Variants in TMEM178B observed in about 807,000 individuals in gnomAD.
TMEM178B encodes the protein transmembrane protein 178B.
TMEM178B carries 5 observed loss-of-function variants against 31.0 expected under a neutral mutation model. That is an observed-to-expected ratio of 0.16 (90% CI 0.08 to 0.34). The LOEUF is 0.34. Ranked by LOEUF, TMEM178B falls within the 10% of genes least tolerant of loss-of-function variation. The probability of loss-of-function intolerance (pLI) is 1.00; values close to 1 mark genes in which losing one functional copy is unlikely to be tolerated. For synonymous variants in TMEM178B, 164 were observed against 164.0 expected, an observed-to-expected ratio of 1.00 and a Z score of 0.00; for missense variants, 275 against 400.3, an observed-to-expected ratio of 0.69 and a Z score of 2.67.
intron 3 of TMEM178B, among the ~76,000 whole-genome samples, chr7:141,459,757 A>G (rs1802030099): frequency 1.3e-5 from 2 of 152,184 alleles, no homozygotes; most frequent in Non-Finnish European, 2.9e-5. Flanking sequence ...CACGCTGCCA[A>G]TGTCCCCTTC....
At position 141,074,134 on chromosome 7, in the gene TMEM178B, C is replaced by T. The variant is rs763877806; in HGVS notation, c.-177C>T. 13 of 912,750 alleles carry T rather than the reference C, an allele frequency of 1.4e-5. No individual in the cohort carries two copies. Among genetic ancestry groups the T allele is most frequent in the Middle Eastern group, 7.2e-4 (2 of 2,782 alleles). 56.5% of individuals were successfully genotyped at this position (912,750 alleles called of 1,614,324 possible). A position where few individuals can be genotyped will look rare whatever the true frequency, so the allele number is the denominator to read the frequency against. On this transcript the variant is annotated 5_prime_UTR_variant, in exon 1 of 4. Transcript: ENST00000565468. The surrounding 1 kb of genome is among the most constrained non-coding windows in gnomAD (Gnocchi z 5.1). Reference sequence around the variant, plus strand: ...TCAGAACTTTTTAGGCCGCCCGCCCCCATCCCCGCAGTCCCCGGGCCGTGC... The same window carrying T: ...TCAGAACTTTTTAGGCCGCCCGCCCTCATCCCCGCAGTCCCCGGGCCGTGC...
chr7:141,104,905 C>A (rs1795117019), intron 1 of TMEM178B, among the ~76,000 whole-genome samples: 1 of 152,196 alleles, frequency 6.6e-6, no homozygotes, highest in Non-Finnish European at 1.5e-5. Context: ...ATCCTGAGGT[C>A]TCTGGGGGTA....
chr7:141,460,703 A>G (rs1416458123), intron 3 of TMEM178B, among the ~76,000 whole-genome samples: 1 of 152,204 alleles, frequency 6.6e-6, no homozygotes, highest in East Asian at 1.9e-4. Flanking sequence ...CGTGTCGTGT[A>G]TAGACACAGC....
intron 2 of TMEM178B, among the ~76,000 whole-genome samples, chr7:141,401,622 A>G (rs1023429754): frequency 1.3e-5 from 2 of 151,882 alleles, no homozygotes; most frequent in Admixed American, 6.6e-5. Flanking sequence ...GAGTTACGGT[A>G]TGTTGCCCAG....
chr7:141,397,316 C>T (rs1037995720), intron 2 of TMEM178B, among the ~76,000 whole-genome samples: 1 of 130,610 alleles, frequency 7.7e-6, no homozygotes, highest in Admixed American at 8.1e-5. Flanking sequence ...TTTTGGACTT[C>T]CTTTAACATG....
At chr7:141,149,390 A>T (rs905116696) in intron 1 of TMEM178B, among the ~76,000 whole-genome samples, 7 of 152,168 alleles carry the variant, frequency 4.6e-5, no homozygotes, top group Admixed American at 6.5e-5. Context: ...ACTAAAAAAA[A>T]TACAAAAATT....
intron 1 of TMEM178B, among the ~76,000 whole-genome samples, chr7:141,200,554 T>A (rs977275078): frequency 6.6e-6 from 1 of 152,054 alleles, no homozygotes; most frequent in South Asian, 2.1e-4. Flanking sequence ...GCAGCCCAGT[T>A]AGAGGGAGCC....
chr7:141,494,752 A>C, the TMEM178B span, among the ~76,000 whole-genome samples: 4 of 152,176 alleles, frequency 2.6e-5, no homozygotes, highest in East Asian at 7.7e-4. Context: ...ACAAACAAAC[A>C]AAAAAATTAT....
chr7:141,389,254 G>A (rs961274389), intron 2 of TMEM178B, among the ~76,000 whole-genome samples: 1 of 152,202 alleles, frequency 6.6e-6, no homozygotes, highest in Non-Finnish European at 1.5e-5. Flanking sequence ...GCTCTCCTCT[G>A]TCAATTACAT....
At chr7:141,438,552 G>A (rs1365933618) in intron 3 of TMEM178B, among the ~76,000 whole-genome samples, 1 of 151,626 alleles carries the variant, frequency 6.6e-6, no homozygotes, top group African/African-American at 2.4e-5. Flanking sequence ...GCTCAGTAGA[G>A]GGGGATTGGG....
chr7:141,508,201 A>C, the TMEM178B span, among the ~76,000 whole-genome samples: 1 of 152,104 alleles, frequency 6.6e-6, no homozygotes, highest in Non-Finnish European at 1.5e-5. Context: ...TCAAGTTCAA[A>C]ATTCCACAAA....
At chr7:141,466,275 G>A (rs962304878) in intron 3 of TMEM178B, among the ~76,000 whole-genome samples, 1 of 152,200 alleles carries the variant, frequency 6.6e-6, no homozygotes, top group Non-Finnish European at 1.5e-5. Flanking sequence ...CAACCAACAG[G>A]AAGTGAAGGC....
chr7:141,089,948 T>C (rs958178447), intron 1 of TMEM178B, among the ~76,000 whole-genome samples: 10 of 151,982 alleles, frequency 6.6e-5, no homozygotes, highest in Non-Finnish European at 1.2e-4. Context: ...ACATGGCATA[T>C]GTATACATAT....
intron 2 of TMEM178B, among the ~76,000 whole-genome samples, chr7:141,308,080 A>T (rs1224216378): frequency 6.6e-6 from 1 of 152,168 alleles, no homozygotes; most frequent in Non-Finnish European, 1.5e-5. Context: ...TTTGATTTGT[A>T]TCCCCTTTTG....
At chr7:141,102,363 T>G (rs1256133025) in intron 1 of TMEM178B, among the ~76,000 whole-genome samples, 1 of 152,166 alleles carries the variant, frequency 6.6e-6, no homozygotes, top group Non-Finnish European at 1.5e-5. Flanking sequence ...AGTGGTCACT[T>G]TGCTAGAGAC....
At chr7:141,495,869 C>A in the TMEM178B span, among the ~76,000 whole-genome samples, 2 of 152,278 alleles carry the variant, frequency 1.3e-5, no homozygotes, top group East Asian at 3.9e-4. Context: ...GTGAGTTTGT[C>A]CTTAGACACA....
At chr7:141,389,811 G>A (rs868820483) in intron 2 of TMEM178B, among the ~76,000 whole-genome samples, 2 of 152,242 alleles carry the variant, frequency 1.3e-5, no homozygotes, top group South Asian at 2.1e-4. Context: ...GTCATTCAGA[G>A]ACTTGGGGGG....
intron 2 of TMEM178B, among the ~76,000 whole-genome samples, chr7:141,341,163 G>C (rs1378460482): frequency 6.6e-6 from 1 of 152,210 alleles, no homozygotes; most frequent in Admixed American, 6.5e-5. Flanking sequence ...AAGCTGGAGA[G>C]AGGGATGCAA....
intron 1 of TMEM178B, among the ~76,000 whole-genome samples, chr7:141,192,245 G>T (rs1796708562): frequency 6.6e-6 from 1 of 152,176 alleles, no homozygotes; most frequent in African/African-American, 2.4e-5. Context: ...AGTAGCTATA[G>T]AGAGAGGACA....
Sources: gnomAD v4.1 joint callset for allele counts (sites outside exome capture counted in the v4.1 genomes callset) on GRCh38, gnomAD v4.1.1 for gene constraint, Gnocchi (gnomAD v3.1) non-coding constraint, MANE v1.5 for transcripts, NCBI Gene and HGNC (gene_info 2026-07-23, HGNC 2026-07-21) for gene names.